The following BMP1 variants were observed in gnomAD, a reference collection of about 807,000 sequenced individuals.
The protein encoded by BMP1 is bone morphogenetic protein 1, also known as mammalian tolloid protein.
Under a neutral mutation model 116.8 loss-of-function variants are expected in BMP1, and 63 were observed. That is an observed-to-expected ratio of 0.54 (90% CI 0.44 to 0.67). BMP1 has a LOEUF of 0.67. Ranked by LOEUF, BMP1 falls within the 30% of genes least tolerant of loss-of-function variation. BMP1 has a pLI of 0.00. For missense variants in BMP1, 1,183 were observed against 1,358.9 expected (o/e 0.87, Z 2.04); for synonymous variants, 536 against 533.4 (o/e 1.00, Z -0.07).
intron 16 of BMP1, among the ~76,000 whole-genome samples, chr8:22,204,148 C>T (rs771760750): frequency 1.3e-5 from 2 of 152,122 alleles, no homozygotes; most frequent in Non-Finnish European, 2.9e-5. Flanking sequence ...GAGACATGGG[C>T]GTGCAAGGAA....
At chr8:22,178,900 G>C (rs549242958) in intron 6 of BMP1, among the ~76,000 whole-genome samples, 199 of 152,186 alleles carry the variant, frequency 1.3e-3, no homozygotes, top group African/African-American at 4.5e-3. Flanking sequence ...GCTTCTACCC[G>C]ATCTGCTCTT....
In BMP1 at chr8:22,177,090, G is replaced by A. The variant is rs1044950527; in HGVS notation, c.681G>A (p.Arg227=). 1.2e-6 allele frequency: 2 copies of A among 1,611,992 alleles called. No homozygotes were observed. Among genetic ancestry groups the A allele is most frequent in the Admixed American group, 3.3e-5 (2 of 59,860 alleles). ...TCGGCTTCTGGCACGAACACACTCGGCCAGACCGGGACCGCCACGTTTCCA... is the reference window on the plus strand; with the variant it reads ...TCGGCTTCTGGCACGAACACACTCGACCAGACCGGGACCGCCACGTTTCCA... ...HVVGFWHEHT[R]PDRDRHVSIV... Residue 227 remains arginine (R), a synonymous_variant, in exon 5 of 20, where the codon CGG becomes CGA. Coordinates refer to ENST00000306385, the MANE Select transcript of BMP1 (RefSeq NM_006129.5).
At chr8:22,172,212 G>A (rs955412410) in intron 1 of BMP1, among the ~76,000 whole-genome samples, 2 of 152,210 alleles carry the variant, frequency 1.3e-5, no homozygotes, top group African/African-American at 4.8e-5. Context: ...GGGTGGAGCT[G>A]CAGGGAAGCT....
In BMP1 at chr8:22,172,102, G is replaced by A. The variant is rs191968679; in HGVS notation, c.149-1500G>A. On this transcript the variant is annotated intron_variant, in intron 1 of 19. Coordinates refer to ENST00000306385, the MANE Select transcript of BMP1 (RefSeq NM_006129.5). Reference sequence around the variant, plus strand: ...TTCACCAGTGAGGCCAACTGGGGAGGAGAAACCTGTGTAGAAGTCTTCAAG... The same window carrying A: ...TTCACCAGTGAGGCCAACTGGGGAGAAGAAACCTGTGTAGAAGTCTTCAAG... 4.9e-4 allele frequency among the ~76,000 whole-genome samples: 74 copies of A among 152,328 alleles called. 1 individual carries two copies. The East Asian group carries it at 6.8e-3, about 14-fold the overall frequency.
At chr8:22,205,499 G>C (rs371177015) in intron 16 of BMP1, among the ~76,000 whole-genome samples, 1 of 152,166 alleles carries the variant, frequency 6.6e-6, no homozygotes, top group African/African-American at 2.4e-5. Flanking sequence ...GGCCAGCCAG[G>C]CACAGTGGCT....
chr8:22,194,993 C>T lies in BMP1; in HGVS notation c.1639+74C>T, dbSNP rs760136420. Reference sequence around the variant, plus strand: ...ATCCCTTCTTCACTCACTCATTCAACACGGAGACTCCAGGAGGCATATTGA... The same window carrying T: ...ATCCCTTCTTCACTCACTCATTCAATACGGAGACTCCAGGAGGCATATTGA... On this transcript the variant is annotated intron_variant, in intron 12 of 19. Transcript: ENST00000306385. The surrounding 1 kb of genome is among the most constrained non-coding windows in gnomAD (Gnocchi z 4.5). 10 of 1,451,084 alleles carry T rather than the reference C, an allele frequency of 6.9e-6. No homozygotes were observed. The highest frequency in any genetic ancestry group is 9.4e-6 in the Non-Finnish European group (10 of 1,065,836). The allele number at this position is 1,451,084 out of a possible 1,614,324, so 89.9% of individuals were successfully genotyped here.
At chr8:22,190,108 A>G (rs1828887655) in intron 8 of BMP1, among the ~76,000 whole-genome samples, 1 of 151,836 alleles carries the variant, frequency 6.6e-6, no homozygotes. Context: ...TATTTTTAGT[A>G]GAGATGAGGT....
intron 13 of BMP1, chr8:22,196,330 C>T (rs1475946485): frequency 3.4e-6 from 2 of 581,352 alleles, no homozygotes; most frequent in African/African-American, 1.8e-5. Flanking sequence ...CCGAGCTGCT[C>T]CCTTTCCTGC....
At chr8:22,205,471 G>A (rs1179518289) in intron 16 of BMP1, among the ~76,000 whole-genome samples, 1 of 152,136 alleles carries the variant, frequency 6.6e-6, no homozygotes, top group Non-Finnish European at 1.5e-5. Flanking sequence ...GACCCTGGAG[G>A]TCTCTCTAAA....
intron 8 of BMP1, among the ~76,000 whole-genome samples, chr8:22,181,939 G>A (rs1828634577): frequency 6.6e-6 from 1 of 152,122 alleles, no homozygotes. Context: ...GAGCAATGCA[G>A]GATAACTCAC....
intron 8 of BMP1, among the ~76,000 whole-genome samples, chr8:22,188,796 G>A (rs1828850613): frequency 1.3e-5 from 2 of 152,162 alleles, no homozygotes; most frequent in Admixed American, 6.5e-5. Flanking sequence ...CCGGCTGGGC[G>A]TGGTTTCTTC....
intron 16 of BMP1, among the ~76,000 whole-genome samples, chr8:22,204,587 G>A (rs916228179): frequency 2.0e-5 from 3 of 152,286 alleles, no homozygotes; most frequent in East Asian, 1.9e-4. Context: ...GCCAGGCGTG[G>A]TGGCGCAAGC....
Position 22,173,594 on chromosome 8 carries a change from C to G in BMP1, c.149-8C>G, listed in dbSNP as rs370542886. 1.0e-4 allele frequency: 161 copies of G among 1,604,596 alleles called. 1 individual carries two copies. Among genetic ancestry groups the G allele is most frequent in the Non-Finnish European group, 1.4e-4 (159 of 1,174,852 alleles). ...TAACTCAGCCCTGGCTTCTTCTTTT[C>G]TCTTTAGCTGCCTTTCTTGGGGACA... On this transcript the variant is annotated splice_region_variant and splice_polypyrimidine_tract_variant and intron_variant, in intron 1 of 19. Coordinates refer to ENST00000306385, the MANE Select transcript of BMP1 (RefSeq NM_006129.5).
intron 18 of BMP1, among the ~76,000 whole-genome samples, chr8:22,208,177 C>T (rs1215553698): frequency 6.6e-6 from 1 of 152,246 alleles, no homozygotes; most frequent in African/African-American, 2.4e-5. Flanking sequence ...AGCCACCGTG[C>T]CCAGCCCATT....
At chr8:22,191,440 C>T (rs942848498) in intron 8 of BMP1, among the ~76,000 whole-genome samples, 7 of 152,098 alleles carry the variant, frequency 4.6e-5, no homozygotes, top group Non-Finnish European at 1.0e-4. Context: ...AATCAGTACT[C>T]AATAAATGAT....
At chr8:22,193,286 C>T (rs913803551) in intron 9 of BMP1, among the ~76,000 whole-genome samples, 1 of 152,148 alleles carries the variant, frequency 6.6e-6, no homozygotes, top group Non-Finnish European at 1.5e-5. Flanking sequence ...CTGGGGCATC[C>T]CTTGCATTTG....
At chr8:22,185,922 G>A (rs1828757875) in intron 8 of BMP1, among the ~76,000 whole-genome samples, 1 of 134,070 alleles carries the variant, frequency 7.5e-6, no homozygotes, top group Admixed American at 8.7e-5. Context: ...TATAACCTCC[G>A]CCTCCCGGGT....
At chr8:22,197,558 C>A in intron 15 of BMP1, 138 bp downstream of exon 15, 1 of 923,642 alleles carries the variant, frequency 1.1e-6, no homozygotes, top group Non-Finnish European at 1.6e-6. Flanking sequence ...CTCCCCACCA[C>A]TTCACTCTCC....
At chr8:22,173,144 G>T (rs968914407) in intron 1 of BMP1, among the ~76,000 whole-genome samples, 1 of 152,176 alleles carries the variant, frequency 6.6e-6, no homozygotes, top group Non-Finnish European at 1.5e-5. Flanking sequence ...ACAGTAGTAT[G>T]TTAACTAAGT....
Sources: gnomAD v4.1 joint callset for allele counts (sites outside exome capture counted in the v4.1 genomes callset) on GRCh38, gnomAD v4.1.1 for gene constraint, Gnocchi (gnomAD v3.1) non-coding constraint, MANE v1.5 for transcripts, NCBI Gene and HGNC (gene_info 2026-07-23, HGNC 2026-07-21) for gene names.